PAPPA: variants seen among roughly 807,000 people sequenced by gnomAD.
The protein encoded by PAPPA is pappalysin 1.
In PAPPA, 60 loss-of-function variants were observed where a neutral mutation model predicts 164.0. The ratio of observed to expected loss-of-function variants is 0.37; its 90% CI spans 0.30 to 0.45. The LOEUF is 0.45. Ranked by LOEUF, PAPPA falls within the 20% of genes least tolerant of loss-of-function variation. The pLI is 1.00. For missense variants in PAPPA, 1,782 were observed against 2,087.3 expected, an observed-to-expected ratio of 0.85 and a Z score of 2.85; for synonymous variants, 875 against 814.1, an observed-to-expected ratio of 1.07 and a Z score of -1.27.
chr9:116,166,951 G>A (rs374616283), intron 1 of PAPPA, among the ~76,000 whole-genome samples: 2 of 152,102 alleles, frequency 1.3e-5, no homozygotes, highest in Non-Finnish European at 2.9e-5. Context: ...AGAATGGAAA[G>A]GTAAAGAAGG....
chr9:116,192,224 G>A (rs1282658465), intron 2 of PAPPA, among the ~76,000 whole-genome samples: 1 of 152,172 alleles, frequency 6.6e-6, no homozygotes, highest in Non-Finnish European at 1.5e-5. Flanking sequence ...AGAGCAGGGT[G>A]GGGAGTGGAC....
chr9:116,163,112 A>AC (rs879524699), intron 1 of PAPPA, among the ~76,000 whole-genome samples: 1 of 152,230 alleles, frequency 6.6e-6, no homozygotes, highest in Non-Finnish European at 1.5e-5. Flanking sequence ...TTGAGGACAG[A>AC]CCAGTCAACA....
intron 7 of PAPPA, among the ~76,000 whole-genome samples, chr9:116,240,311 T>C (rs561438128): frequency 6.6e-6 from 1 of 152,280 alleles, no homozygotes; most frequent in African/African-American, 2.4e-5. Flanking sequence ...AGCAGTGTCA[T>C]TGCAGTATAA....
chr9:116,343,515 T>A (rs1265932339), intron 13 of PAPPA, among the ~76,000 whole-genome samples: 1 of 152,148 alleles, frequency 6.6e-6, no homozygotes, highest in Non-Finnish European at 1.5e-5. Context: ...AAGGTAGAAT[T>A]CAGAGTTGCA....
rs563558273 is a variant in PAPPA at position 116,304,716 on chromosome 9, C to G, written c.3147+1766C>G. Among the ~76,000 whole-genome samples the G allele has an allele frequency of 3.3e-5, 5 of 152,236 alleles. No homozygotes were observed. The South Asian group carries it at 1.0e-3, about 32-fold the overall frequency. On this transcript the variant is annotated intron_variant, in intron 10 of 21. Transcript: ENST00000328252. Reference sequence around the variant, plus strand: ...CAGGAATTACTGGTGATTATCTCTTCCTAAACAAAAATCCAATTTAAAAAA... The same window carrying G: ...CAGGAATTACTGGTGATTATCTCTTGCTAAACAAAAATCCAATTTAAAAAA...
chr9:116,336,169 T>C (rs1289088399), intron 13 of PAPPA, among the ~76,000 whole-genome samples: 1 of 152,056 alleles, frequency 6.6e-6, no homozygotes, highest in African/African-American at 2.4e-5. Context: ...GAGTTGTGAT[T>C]TTTGTAGGCT....
intron 19 of PAPPA, among the ~76,000 whole-genome samples, chr9:116,369,308 C>A (rs1846542363): frequency 6.6e-6 from 1 of 152,108 alleles, no homozygotes; most frequent in South Asian, 2.1e-4. Context: ...GCTCATATAC[C>A]CAGGCATGCA....
rs1455508017 is a variant in PAPPA at position 116,187,228 on chromosome 9, G to T, written c.490G>T (p.Asp164Tyr). The change falls in exon 2 of 22, where the codon GAC becomes TAC. Residue 164 changes from aspartate (D) to tyrosine (Y), a missense_variant. Transcript: ENST00000328252. The surrounding 1 kb of genome is among the most constrained non-coding windows in gnomAD (Gnocchi z 4.2). ...GGGCATTCACACCATCAGTGACCAA[G>T]ACAACAAAGACCCACGCTACTTTTT... ...VVGIHTISDQ[D>Y]NKDPRYFFSL... 9.9e-6 allele frequency: 16 copies of T among 1,614,134 alleles called. No homozygotes were observed. The Middle Eastern group carries it at 4.9e-4, about 50-fold the overall frequency.
At chr9:116,230,471 ATGTACTC>A (rs1231979238) in intron 6 of PAPPA, among the ~76,000 whole-genome samples, 2 of 152,202 alleles carry the variant, frequency 1.3e-5, no homozygotes, top group Non-Finnish European at 2.9e-5. Context: ...CCTACTATTG[ATGTACTC>A]TGTGCCCTTG....
chr9:116,216,828 G>T (rs1844378710), intron 4 of PAPPA, among the ~76,000 whole-genome samples: 1 of 152,008 alleles, frequency 6.6e-6, no homozygotes, highest in African/African-American at 2.4e-5. Context: ...TGCAACTTCT[G>T]CCTCCCAGGT....
intron 10 of PAPPA, among the ~76,000 whole-genome samples, chr9:116,310,328 A>C (rs1845700836): frequency 1.3e-5 from 2 of 152,182 alleles, no homozygotes; most frequent in Non-Finnish European, 2.9e-5. Context: ...GACAATTCCA[A>C]GCAGTTTTCC....
In PAPPA at chr9:116,347,812, G is replaced by A. The variant is rs1394363807; in HGVS notation, c.3964+603G>A. Among the ~76,000 whole-genome samples the A allele has an allele frequency of 6.6e-6, 1 of 152,128 alleles. No homozygotes were observed. The highest frequency in any genetic ancestry group is 1.5e-5 in the Non-Finnish European group (1 of 68,024). On this transcript the variant is annotated intron_variant, in intron 15 of 21. Transcript: ENST00000328252. The surrounding 1 kb of genome is among the most constrained non-coding windows in gnomAD (Gnocchi z 4.5). The stretch of plus-strand genomic sequence containing the variant: ...AGCTAGGCACCAGGGCTATTGAGGG[G>A]AAAAAGACACTGGCATACCAGAGAA...
chr9:116,233,218 T>A (rs1304010969), intron 6 of PAPPA, among the ~76,000 whole-genome samples: 3 of 152,246 alleles, frequency 2.0e-5, no homozygotes, highest in Non-Finnish European at 4.4e-5. Context: ...AGCGAAGCAG[T>A]GCTCTTTAAT....
chr9:116,213,998 T>A (rs918347642), intron 4 of PAPPA, among the ~76,000 whole-genome samples: 2 of 152,184 alleles, frequency 1.3e-5, no homozygotes, highest in African/African-American at 2.4e-5. Flanking sequence ...CTTCTTCTCG[T>A]TGCTTTATCT....
At chr9:116,284,143 AAG>A (rs1587986321) in intron 9 of PAPPA, among the ~76,000 whole-genome samples, 1 of 152,318 alleles carries the variant, frequency 6.6e-6, no homozygotes, top group East Asian at 1.9e-4. Flanking sequence ...GTCTTCCAGA[AAG>A]TGATCAACAA....
chr9:116,177,426 C>T (rs1843850361), intron 1 of PAPPA, among the ~76,000 whole-genome samples: 1 of 152,168 alleles, frequency 6.6e-6, no homozygotes, highest in East Asian at 1.9e-4. Flanking sequence ...TTTCTACTTG[C>T]CAATCATTGT....
intron 1 of PAPPA, among the ~76,000 whole-genome samples, chr9:116,182,770 C>G (rs761147301): frequency 6.6e-6 from 1 of 152,124 alleles, no homozygotes; most frequent in Non-Finnish European, 1.5e-5. Flanking sequence ...CTTTTCACAT[C>G]CAGCCTAGCT....
At position 116,265,845 on chromosome 9, in the gene PAPPA, T is replaced by G; in HGVS notation, c.2733-12T>G. 2 of 1,586,214 alleles carry G rather than the reference T, an allele frequency of 1.3e-6. No individual in the cohort carries two copies. Among genetic ancestry groups the G allele is most frequent in the Non-Finnish European group, 8.6e-7 (1 of 1,157,980 alleles). ...TGTAATTGTATAATTATGTCTTCTT[T>G]GTATTTTCCAGGGATCTAAATCTTG... On this transcript the variant is annotated splice_polypyrimidine_tract_variant and intron_variant, in intron 7 of 21. Coordinates refer to ENST00000328252, the MANE Select transcript of PAPPA (RefSeq NM_002581.5).
At chr9:116,193,891 T>G (rs1844073061) in intron 2 of PAPPA, among the ~76,000 whole-genome samples, 1 of 152,192 alleles carries the variant, frequency 6.6e-6, no homozygotes, top group South Asian at 2.1e-4. Context: ...AAGGGCAGGA[T>G]CACTGTGGTT....
Sources: gnomAD v4.1 joint callset for allele counts (sites outside exome capture counted in the v4.1 genomes callset) on GRCh38, gnomAD v4.1.1 for gene constraint, Gnocchi (gnomAD v3.1) non-coding constraint, MANE v1.5 for transcripts, NCBI Gene and HGNC (gene_info 2026-07-23, HGNC 2026-07-21) for gene names.